The following BMPR1B variants were observed in gnomAD, a reference collection of about 807,000 sequenced individuals.
The protein encoded by BMPR1B is bone morphogenetic protein receptor type 1B.
BMPR1B carries 12 observed loss-of-function variants against 59.1 expected under a neutral mutation model. The observed-to-expected ratio is 0.20, with a 90% CI of 0.13 to 0.33. The LOEUF is 0.33. BMPR1B is among the 10% of genes least tolerant of loss of function. The pLI is 1.00. For synonymous variants in BMPR1B, 237 were observed against 207.3 expected (o/e 1.14, Z -1.23); for missense variants, 550 against 610.9 (o/e 0.90, Z 1.05).
intron 4 of BMPR1B, among the ~76,000 whole-genome samples, chr4:95,112,226 A>G (rs139342134): frequency 6.6e-6 from 1 of 151,968 alleles, no homozygotes; most frequent in Non-Finnish European, 1.5e-5. Flanking sequence ...TATTTCCTTC[A>G]TGATTCTTCA....
chr4:94,869,293 T>C (rs1382439582), intron 1 of BMPR1B, among the ~76,000 whole-genome samples: 1 of 152,200 alleles, frequency 6.6e-6, no homozygotes, highest in African/African-American at 2.4e-5. Context: ...AATTTTACAC[T>C]TTACACTTCT....
At chr4:94,874,500 A>C (rs975826531) in intron 1 of BMPR1B, among the ~76,000 whole-genome samples, 2 of 152,182 alleles carry the variant, frequency 1.3e-5, no homozygotes, top group South Asian at 2.1e-4. Flanking sequence ...ATATGTAAAT[A>C]TAGAAAAATA....
chr4:94,808,215 C>T (rs1166802830), intron 1 of BMPR1B, among the ~76,000 whole-genome samples: 2 of 151,982 alleles, frequency 1.3e-5, no homozygotes, highest in African/African-American at 4.8e-5. Flanking sequence ...GTTAGATACT[C>T]AATATACAAA....
At chr4:94,846,907 A>G (rs997943307) in intron 1 of BMPR1B, among the ~76,000 whole-genome samples, 1 of 152,156 alleles carries the variant, frequency 6.6e-6, no homozygotes, top group Non-Finnish European at 1.5e-5. Context: ...TTTCTTGAGT[A>G]ATACTCCACA....
rs1491108915 is a variant in BMPR1B, at chr4:95,155,475, C to CCTT, written c.*802_*803insCTT. On this transcript the variant is annotated 3_prime_UTR_variant, in exon 13 of 13. Transcript: ENST00000515059. Reference sequence around the variant, plus strand: ...CCCTTTTCATTAAACACAAAGAAAGCTTTTTTTTTTTTTTTTTTTTTTTTT... The same window carrying CCTT: ...CCCTTTTCATTAAACACAAAGAAAGCCTTTTTTTTTTTTTTTTTTTTTTTTTTT... 23 of 64,298 alleles carry CCTT rather than the reference C, an allele frequency of 3.6e-4. No individual in the cohort carries two copies. The highest frequency in any genetic ancestry group is 1.6e-3 in the African/African-American group (23 of 14,816). 4.0% of individuals were successfully genotyped at this position (64,298 alleles called of 1,614,324 possible). A position where few individuals can be genotyped will look rare whatever the true frequency, so the allele number is the denominator to read the frequency against.
chr4:95,083,037 CAA>C (rs1171888403), intron 3 of BMPR1B, among the ~76,000 whole-genome samples: 1 of 60,642 alleles, frequency 1.6e-5, no homozygotes, highest in East Asian at 5.7e-4. Context: ...TACTCTGTCT[CAA>C]AAAAAAAAAA....
At position 94,849,487 on chromosome 4, in the gene BMPR1B, T is replaced by C. The variant is rs141521753; in HGVS notation, c.-182-26344T>C. On this transcript the variant is annotated intron_variant, in intron 1 of 12. Transcript: ENST00000515059. ...GCTGAGAAATGAGTGGCAGCTGGAA[T>C]AGGAAATGAGGTCAAGAGAGTTTTC... Among the ~76,000 whole-genome samples, 1,357 of 152,110 alleles carry C rather than the reference T, an allele frequency of 8.9e-3. 20 individuals are homozygous for C. Among genetic ancestry groups the C allele is most frequent in the African/African-American group, 0.031 (1,286 of 41,492 alleles).
chr4:95,141,992 C>T lies in BMPR1B; in HGVS notation c.1077-6756C>T, dbSNP rs532330087. 3.3e-5 allele frequency among the ~76,000 whole-genome samples: 5 copies of T among 152,220 alleles called. No homozygotes were observed. In the South Asian group the frequency reaches 1.0e-3, roughly 32 times the overall value. ...TTTTAAAATTGATTTGGCTAAATGA[C>T]CCACCAAAGTCATAAAACTAAGCTC... On this transcript the variant is annotated intron_variant, in intron 10 of 12. Coordinates refer to ENST00000515059, the MANE Select transcript of BMPR1B (RefSeq NM_001203.3).
intron 2 of BMPR1B, among the ~76,000 whole-genome samples, chr4:94,977,882 C>T (rs1023815536): frequency 6.6e-6 from 1 of 152,062 alleles, no homozygotes; most frequent in African/African-American, 2.4e-5. Context: ...GTGCTCCTTT[C>T]GGTATTCTAC....
intron 3 of BMPR1B, among the ~76,000 whole-genome samples, chr4:95,058,261 GT>G (rs1727079397): frequency 6.6e-6 from 1 of 152,084 alleles, no homozygotes; most frequent in Non-Finnish European, 1.5e-5. Context: ...CTGAAACTAT[GT>G]TTCTGATTTC....
At chr4:95,082,837 G>A (rs1427476913) in intron 3 of BMPR1B, among the ~76,000 whole-genome samples, 7 of 151,862 alleles carry the variant, frequency 4.6e-5, no homozygotes, top group Non-Finnish European at 8.8e-5. Flanking sequence ...AGGAGATTGA[G>A]ACCATCCTGG....
At chr4:95,075,796 G>A (rs1382586104) in intron 3 of BMPR1B, among the ~76,000 whole-genome samples, 1 of 152,122 alleles carries the variant, frequency 6.6e-6, no homozygotes, top group Non-Finnish European at 1.5e-5. Flanking sequence ...CAGATACAGT[G>A]GTACTAGTTG....
intron 3 of BMPR1B, among the ~76,000 whole-genome samples, chr4:95,055,134 A>G (rs1273782080): frequency 4.6e-5 from 7 of 151,922 alleles, no homozygotes; most frequent in Admixed American, 2.6e-4. Context: ...TCAAAACCAG[A>G]CCCAAGTCTC....
At chr4:95,146,762 A>G (rs1734677870) in intron 10 of BMPR1B, among the ~76,000 whole-genome samples, 1 of 152,206 alleles carries the variant, frequency 6.6e-6, no homozygotes, top group South Asian at 2.1e-4. Context: ...CACATTAGTG[A>G]AATCCCTACT....
intron 3 of BMPR1B, among the ~76,000 whole-genome samples, chr4:95,075,172 G>A (rs1159036872): frequency 2.0e-5 from 3 of 152,054 alleles, no homozygotes; most frequent in Non-Finnish European, 4.4e-5. Flanking sequence ...TTTAAGACAA[G>A]CCTCATAAAT....
At chr4:94,923,357 C>T (rs1397725791) in intron 2 of BMPR1B, among the ~76,000 whole-genome samples, 2 of 152,050 alleles carry the variant, frequency 1.3e-5, no homozygotes, top group Non-Finnish European at 2.9e-5. Flanking sequence ...GTGAATGCAA[C>T]AGGCTTATGT....
chr4:94,906,513 T>G (rs945973730), intron 2 of BMPR1B, among the ~76,000 whole-genome samples: 1 of 152,070 alleles, frequency 6.6e-6, no homozygotes, highest in Non-Finnish European at 1.5e-5. Flanking sequence ...TTATGAAAGA[T>G]GCATCCTTTC....
intron 3 of BMPR1B, among the ~76,000 whole-genome samples, chr4:95,022,710 A>G (rs1194414306): frequency 1.3e-5 from 2 of 152,160 alleles, no homozygotes; most frequent in Non-Finnish European, 2.9e-5. Context: ...TATGGCATCA[A>G]TGCGATTTCT....
intron 3 of BMPR1B, among the ~76,000 whole-genome samples, chr4:95,075,930 C>T (rs958078182): frequency 1.1e-4 from 17 of 152,008 alleles, no homozygotes; most frequent in African/African-American, 3.9e-4. Context: ...AAGGATCAGA[C>T]TTGTTAATTT....
Sources: allele counts gnomAD v4.1 joint callset (sites outside exome capture counted in the v4.1 genomes callset), GRCh38; gene constraint gnomAD v4.1.1; transcripts MANE v1.5; gene names NCBI Gene and HGNC (gene_info 2026-07-23, HGNC 2026-07-21).